Variants in GASK1A observed in about 807,000 individuals in gnomAD.
GASK1A encodes golgi associated kinase 1A.
In GASK1A, 40 loss-of-function variants were observed where a neutral mutation model predicts 41.2. That is an observed-to-expected ratio of 0.97 (90% CI 0.75 to 1.27). The LOEUF is 1.27. GASK1A is among the 50% of genes most tolerant of loss of function. GASK1A has a pLI of 0.00. For missense variants in GASK1A, 678 were observed against 745.1 expected (o/e 0.91, Z 1.05); for synonymous variants, 316 against 307.1 (o/e 1.03, Z -0.30).
At chr3:42,987,525 T>C (rs1304527774) in intron 1 of GASK1A, among the ~76,000 whole-genome samples, 1 of 152,236 alleles carries the variant, frequency 6.6e-6, no homozygotes, top group Non-Finnish European at 1.5e-5. Context: ...AGAAACCTCA[T>C]CATATCCCAC....
chr3:42,983,311 G>A (rs2089291273), intron 1 of GASK1A, among the ~76,000 whole-genome samples: 2 of 152,088 alleles, frequency 1.3e-5, no homozygotes, highest in African/African-American at 4.8e-5. Flanking sequence ...CTTTACAAAC[G>A]ACCCACAAAA....
In GASK1A at chr3:42,981,777, C is replaced by T. The variant is rs192402964; in HGVS notation, c.3+2132C>T. Among the ~76,000 whole-genome samples, 28 of 152,248 alleles carry T rather than the reference C, an allele frequency of 1.8e-4. No individual in the cohort carries two copies. In the East Asian group the frequency reaches 5.2e-3, roughly 28 times the overall value. On this transcript the variant is annotated intron_variant, in intron 1 of 4. Transcript: ENST00000430121. Reference sequence around the variant, plus strand: ...CAGAGTGGTCATTCCTTGAGATAGTCCTAAAATAGTTTTTGGGAAATGATA... The same window carrying T: ...CAGAGTGGTCATTCCTTGAGATAGTTCTAAAATAGTTTTTGGGAAATGATA...
chr3:43,028,062 G>C (rs1314210365), intron 1 of GASK1A, among the ~76,000 whole-genome samples: 1 of 152,238 alleles, frequency 6.6e-6, no homozygotes, highest in Non-Finnish European at 1.5e-5. Context: ...GATTGAAAGA[G>C]TTAAGTTATT....
chr3:43,012,081 T>G (rs1480881391), intron 1 of GASK1A, among the ~76,000 whole-genome samples: 4 of 150,614 alleles, frequency 2.7e-5, no homozygotes, highest in Non-Finnish European at 1.5e-5. Context: ...AGGCAGGGGC[T>G]GTGTGAAGCC....
At position 42,999,343 on chromosome 3, in the gene GASK1A, G is replaced by A. The variant is rs376157155; in HGVS notation, c.3+19698G>A. On this transcript the variant is annotated intron_variant, in intron 1 of 4. Coordinates refer to ENST00000430121, the MANE Select transcript of GASK1A (RefSeq NM_001129908.3). ...GCATACTGGTGCTTCTCCTCCACAG[G>A]CAGGCACCTTCCACATGCAGCAAAC... Among the ~76,000 whole-genome samples, 579 of 152,312 alleles carry A rather than the reference G, an allele frequency of 3.8e-3. 2 individuals are homozygous for A. The highest frequency in any genetic ancestry group is 6.1e-3 in the Non-Finnish European group (416 of 68,032).
At chr3:42,986,450 G>C (rs1258826786) in intron 1 of GASK1A, among the ~76,000 whole-genome samples, 1 of 152,126 alleles carries the variant, frequency 6.6e-6, no homozygotes, top group African/African-American at 2.4e-5. Context: ...ATACAGAAAA[G>C]TTTCAGGTTT....
chr3:43,045,130 C>T (rs1038013274), intron 2 of GASK1A, among the ~76,000 whole-genome samples: 4 of 152,184 alleles, frequency 2.6e-5, no homozygotes, highest in African/African-American at 9.7e-5. Flanking sequence ...ATAGAATATG[C>T]TCTGCTGCTT....
chr3:43,000,184 G>C (rs1303972954), intron 1 of GASK1A, among the ~76,000 whole-genome samples: 1 of 152,194 alleles, frequency 6.6e-6, no homozygotes, highest in East Asian at 1.9e-4. Context: ...ATCATCAGTT[G>C]GCCCAGTCCT....
intron 1 of GASK1A, among the ~76,000 whole-genome samples, chr3:42,997,149 AT>A (rs1488551551): frequency 6.6e-6 from 1 of 152,238 alleles, no homozygotes; most frequent in Non-Finnish European, 1.5e-5. Flanking sequence ...CAGGAGATGA[AT>A]AATTTTTTCT....
intron 2 of GASK1A, among the ~76,000 whole-genome samples, chr3:43,048,511 A>G (rs2089674162): frequency 6.6e-6 from 1 of 152,164 alleles, no homozygotes; most frequent in Non-Finnish European, 1.5e-5. Flanking sequence ...GCAGGGAAGG[A>G]AGAAAAGCTA....
chr3:42,994,134 A>T (rs112193562), intron 1 of GASK1A, among the ~76,000 whole-genome samples: 1 of 152,196 alleles, frequency 6.6e-6, no homozygotes, highest in Non-Finnish European at 1.5e-5. Flanking sequence ...TTGCATTTTG[A>T]TATCTAGTCT....
rs71072751 is a variant in GASK1A, at chr3:42,997,438, G to GT, written c.3+17793_3+17794insT. On this transcript the variant is annotated intron_variant, in intron 1 of 4. Transcript: ENST00000430121. ...CACGCATGAGAGAGAGACAGAGAGA[G>GT]GGGGGGGGGATCTGGGATCCTTAGA... Among the ~76,000 whole-genome samples the GT allele has an allele frequency of 3.8e-5, 5 of 132,582 alleles. No homozygotes were observed. In the South Asian group the frequency reaches 7.0e-4, roughly 19 times the overall value. The allele number at this position is 132,582 out of a possible 152,430, so 87.0% of individuals were successfully genotyped here. A position where few individuals can be genotyped will look rare whatever the true frequency, so the allele number is the denominator to read the frequency against.
intron 1 of GASK1A, among the ~76,000 whole-genome samples, chr3:43,016,434 A>AAGT (rs2089491657): frequency 6.6e-6 from 1 of 151,558 alleles, no homozygotes; most frequent in South Asian, 2.1e-4. Context: ...GAGCAGTGTG[A>AAGT]CATGACAGGA....
chr3:42,998,997 G>A (rs901068689), intron 1 of GASK1A, among the ~76,000 whole-genome samples: 1 of 151,896 alleles, frequency 6.6e-6, no homozygotes, highest in Non-Finnish European at 1.5e-5. Context: ...TAATATGTGT[G>A]TGCGTGTGTG....
chr3:42,980,943 G>C (rs148199384), intron 1 of GASK1A, among the ~76,000 whole-genome samples: 1 of 152,174 alleles, frequency 6.6e-6, no homozygotes, highest in Non-Finnish European at 1.5e-5. Flanking sequence ...CATCCACTCC[G>C]AGGGGCATTA....
chr3:43,042,028 G>A (rs2089640528), intron 2 of GASK1A, among the ~76,000 whole-genome samples: 1 of 152,160 alleles, frequency 6.6e-6, no homozygotes, highest in Admixed American at 6.5e-5. Flanking sequence ...ACGAGACCCA[G>A]ATCAGGCACT....
chr3:43,011,454 G>C (rs931804772), intron 1 of GASK1A, among the ~76,000 whole-genome samples: 1 of 151,768 alleles, frequency 6.6e-6, no homozygotes, highest in Non-Finnish European at 1.5e-5. Context: ...TTTTCTGTAT[G>C]TAAGAACCCA....
At chr3:43,042,527 G>A (rs769265702) in intron 2 of GASK1A, among the ~76,000 whole-genome samples, 2 of 152,134 alleles carry the variant, frequency 1.3e-5, no homozygotes, top group Non-Finnish European at 2.9e-5. Flanking sequence ...AGGAATGGAT[G>A]TGTAATTTTT....
chr3:43,052,665 G>A (rs1047852632), intron 2 of GASK1A, among the ~76,000 whole-genome samples: 3 of 151,852 alleles, frequency 2.0e-5, no homozygotes, highest in Non-Finnish European at 2.9e-5. Flanking sequence ...TCCTCACTTC[G>A]ACTATTCTCC....
Sources: allele counts gnomAD v4.1 joint callset (sites outside exome capture counted in the v4.1 genomes callset), GRCh38; gene constraint gnomAD v4.1.1; transcripts MANE v1.5; gene names NCBI Gene and HGNC (gene_info 2026-07-23, HGNC 2026-07-21).